RB1: variants seen among roughly 807,000 people sequenced by gnomAD.
The protein encoded by RB1 is RB transcriptional corepressor 1.
A neutral mutation model predicts 135.4 loss-of-function variants in RB1; 18 were observed. That is an observed-to-expected ratio of 0.13 (90% CI 0.09 to 0.20). The LOEUF is 0.20. Among genes scored for constraint, RB1 ranks in the 10% least tolerant of loss-of-function variants. The probability of loss-of-function intolerance (pLI) is 1.00; values close to 1 mark genes in which losing one functional copy is unlikely to be tolerated. For synonymous variants in RB1, 365 were observed against 373.2 expected (o/e 0.98, Z 0.25); for missense variants, 868 against 1,110.0 (o/e 0.78, Z 3.10).
intron 1 of RB1, among the ~76,000 whole-genome samples, chr13:48,306,609 C>T (rs2138032597): frequency 6.6e-6 from 1 of 152,262 alleles, no homozygotes; most frequent in Non-Finnish European, 1.5e-5. Context: ...GATGAGAATA[C>T]TTATCTAAAA....
intron 2 of RB1, among the ~76,000 whole-genome samples, chr13:48,334,585 A>C (rs766107634): frequency 6.6e-6 from 1 of 152,156 alleles, no homozygotes; most frequent in Non-Finnish European, 1.5e-5. Flanking sequence ...ACTTATTTTC[A>C]TCTTTCATAT....
At chr13:48,407,375 G>T (rs1316271051) in intron 17 of RB1, among the ~76,000 whole-genome samples, 1 of 152,170 alleles carries the variant, frequency 6.6e-6, no homozygotes, top group Non-Finnish European at 1.5e-5. Context: ...GAAGGTAGGA[G>T]AGGCTTAACA....
At chr13:48,388,769 C>A (rs1948589178) in intron 17 of RB1, among the ~76,000 whole-genome samples, 2 of 152,040 alleles carry the variant, frequency 1.3e-5, no homozygotes, top group South Asian at 4.1e-4. Context: ...GGAGCTCTAA[C>A]ATTTAAAGGA....
intron 6 of RB1, 122 bp from the exon 7 acceptor site, chr13:48,359,895 T>C: frequency 7.3e-7 from 1 of 1,376,904 alleles, no homozygotes; most frequent in Non-Finnish European, 9.5e-7. Flanking sequence ...AAAGAAAATC[T>C]TTACCATGCT....
intron 17 of RB1, among the ~76,000 whole-genome samples, chr13:48,415,273 T>G (rs1377987500): frequency 2.0e-5 from 3 of 151,910 alleles, no homozygotes; most frequent in Non-Finnish European, 4.4e-5. Flanking sequence ...TTTTCTTTTC[T>G]TTTCTTTTTC....
At chr13:48,363,288 C>T (rs769487036) in intron 8 of RB1, among the ~76,000 whole-genome samples, 14 of 151,826 alleles carry the variant, frequency 9.2e-5, no homozygotes, top group Middle Eastern at 3.4e-3. Flanking sequence ...TGGTGGCTCA[C>T]ACCTGTAATC....
At chr13:48,314,179 G>T (rs1002801095) in intron 2 of RB1, among the ~76,000 whole-genome samples, 3 of 151,936 alleles carry the variant, frequency 2.0e-5, no homozygotes, top group African/African-American at 4.8e-5. Context: ...TGTTACTCTT[G>T]GTACTTGAAT....
chr13:48,373,598 C>A, intron 12 of RB1, 106 bp downstream of exon 12: 1 of 700,366 alleles, frequency 1.4e-6, no homozygotes, highest in Non-Finnish European at 2.5e-6. Context: ...TCCTATCTAA[C>A]ATGTAGTTAT....
intron 17 of RB1, among the ~76,000 whole-genome samples, chr13:48,437,493 CAT>C: frequency 6.6e-6 from 1 of 152,210 alleles, no homozygotes; most frequent in Non-Finnish European, 1.5e-5. Context: ...GATTTTGACT[CAT>C]GTTTCCTCAT....
chr13:48,436,121 G>T (rs1246344909), intron 17 of RB1, among the ~76,000 whole-genome samples: 2 of 152,184 alleles, frequency 1.3e-5, no homozygotes, highest in Non-Finnish European at 2.9e-5. Context: ...TACTATGGGT[G>T]ATTAGGTGGT....
rs1029771762 is a variant in RB1 at position 48,373,700 on chromosome 13, G to A, written c.1215+208G>A. Among the ~76,000 whole-genome samples, 3 of 151,886 alleles carry A rather than the reference G, an allele frequency of 2.0e-5. No homozygotes were observed. In the South Asian group the frequency reaches 6.2e-4, roughly 31 times the overall value. On this transcript the variant is annotated intron_variant, in intron 12 of 26. Transcript: ENST00000267163. The stretch of plus-strand genomic sequence containing the variant: ...ACAGTGTTATTTAAAACATTTTTAT[G>A]TTTACCTATTTGCCTTGCTCACCAT...
At chr13:48,341,833 G>C (rs1294786953) in intron 2 of RB1, among the ~76,000 whole-genome samples, 1 of 151,908 alleles carries the variant, frequency 6.6e-6, no homozygotes, top group Non-Finnish European at 1.5e-5. Context: ...TTAAGAGTAA[G>C]TAAATAGTTC....
intron 17 of RB1, among the ~76,000 whole-genome samples, chr13:48,405,638 C>A (rs956218163): frequency 1.3e-5 from 2 of 152,088 alleles, no homozygotes; most frequent in African/African-American, 2.4e-5. Context: ...GCCTGCAAAC[C>A]GAAAATATTT....
intron 17 of RB1, among the ~76,000 whole-genome samples, chr13:48,386,092 G>C (rs967864892): frequency 3.3e-5 from 5 of 149,926 alleles, no homozygotes; most frequent in Non-Finnish European, 5.9e-5. Flanking sequence ...ATGTTCCTGT[G>C]GTCCTAGGTA....
chr13:48,386,718 G>A (rs540491463), intron 17 of RB1, among the ~76,000 whole-genome samples: 151 of 152,250 alleles, frequency 9.9e-4, no homozygotes, highest in African/African-American at 3.5e-3. Flanking sequence ...ACCACTGAAA[G>A]CTTGACAGAG....
At chr13:48,404,657 G>A (rs1425992718) in intron 17 of RB1, among the ~76,000 whole-genome samples, 1 of 152,060 alleles carries the variant, frequency 6.6e-6, no homozygotes, top group Non-Finnish European at 1.5e-5. Context: ...CTCCTGAGTA[G>A]CTGGGATTAC....
At chr13:48,373,355 T>C in intron 11 of RB1, 50 bp from the exon 12 acceptor site, 1 of 1,150,270 alleles carries the variant, frequency 8.7e-7, no homozygotes, top group Non-Finnish European at 1.3e-6. Context: ...ATTTTTTCTT[T>C]TTTTCTCCCT....
chr13:48,436,171 C>T (rs1283618520), intron 17 of RB1, among the ~76,000 whole-genome samples: 3 of 152,152 alleles, frequency 2.0e-5, no homozygotes, highest in African/African-American at 7.2e-5. Context: ...GAAAGACCAT[C>T]TCATAGCTGG....
intron 17 of RB1, among the ~76,000 whole-genome samples, chr13:48,443,960 C>T (rs1949263111): frequency 6.6e-6 from 1 of 152,150 alleles, no homozygotes; most frequent in Non-Finnish European, 1.5e-5. Context: ...CAACAGTTGT[C>T]AACACAAAAG....
Sources: allele counts gnomAD v4.1 joint callset (sites outside exome capture counted in the v4.1 genomes callset), GRCh38; gene constraint gnomAD v4.1.1; transcripts MANE v1.5; gene names NCBI Gene and HGNC (gene_info 2026-07-23, HGNC 2026-07-21).